CLMP: variants seen among roughly 807,000 people sequenced by gnomAD.
CLMP encodes the protein CXADR like cell adhesion molecule.
Under a neutral mutation model 45.2 loss-of-function variants are expected in CLMP, and 27 were observed. The observed-to-expected ratio is 0.60, with a 90% confidence interval of 0.44 to 0.82. The LOEUF is 0.82. Among genes scored for constraint, CLMP ranks in the 40% least tolerant of loss-of-function variants. CLMP has a pLI of 0.00. For missense variants in CLMP, 403 were observed against 448.4 expected, an observed-to-expected ratio of 0.90 and a Z score of 0.91; for synonymous variants, 167 against 171.4, an observed-to-expected ratio of 0.97 and a Z score of 0.20.
At chr11:123,137,147 C>CTT (rs375816483) in intron 1 of CLMP, among the ~76,000 whole-genome samples, 1,108 of 82,478 alleles carry the variant, frequency 0.013, 18 homozygotes, top group Non-Finnish European at 0.016. Context: ...TTTTCTTTTT[C>CTT]TTTTTTTTTT....
intron 1 of CLMP, among the ~76,000 whole-genome samples, chr11:123,116,929 G>A (rs530730563): frequency 9.9e-5 from 15 of 152,140 alleles, no homozygotes; most frequent in African/African-American, 3.6e-4. Context: ...CATGAACAAC[G>A]TTATAGTTTA....
At chr11:123,149,768 T>G (rs1861286128) in intron 1 of CLMP, among the ~76,000 whole-genome samples, 1 of 132,776 alleles carries the variant, frequency 7.5e-6, no homozygotes, top group South Asian at 2.7e-4. Flanking sequence ...CTCAAAAGGT[T>G]TTCTTTCTTT....
intron 1 of CLMP, among the ~76,000 whole-genome samples, chr11:123,129,123 C>A (rs1391245390): frequency 6.6e-6 from 1 of 151,940 alleles, no homozygotes; most frequent in African/African-American, 2.4e-5. Flanking sequence ...AGGTTGGAGA[C>A]CACGCTGGCC....
chr11:123,145,725 A>G (rs1861229831), intron 1 of CLMP, among the ~76,000 whole-genome samples: 1 of 152,058 alleles, frequency 6.6e-6, no homozygotes, highest in Non-Finnish European at 1.5e-5. Context: ...TGGACTCCCA[A>G]ACTGCTGGGA....
intron 1 of CLMP, among the ~76,000 whole-genome samples, chr11:123,144,870 C>T (rs1212339774): frequency 6.6e-6 from 1 of 152,160 alleles, no homozygotes; most frequent in Non-Finnish European, 1.5e-5. Flanking sequence ...TCAGATTTCA[C>T]TGGCTGATTG....
intron 1 of CLMP, among the ~76,000 whole-genome samples, chr11:123,168,354 C>A (rs187378382): frequency 2.0e-3 from 299 of 152,336 alleles, no homozygotes; most frequent in Admixed American, 4.8e-3. Flanking sequence ...GCAGCTGCCC[C>A]CCCTGGTTCT....
At chr11:123,127,546 A>G (rs1056670002) in intron 1 of CLMP, among the ~76,000 whole-genome samples, 1 of 152,182 alleles carries the variant, frequency 6.6e-6, no homozygotes, top group African/African-American at 2.4e-5. Flanking sequence ...TTCGGAGAGG[A>G]GAAATGATAG....
intron 1 of CLMP, among the ~76,000 whole-genome samples, chr11:123,114,433 T>TCCCTCCCC (rs1860691221): frequency 1.1e-5 from 1 of 91,406 alleles, no homozygotes; most frequent in Non-Finnish European, 2.2e-5. Flanking sequence ...TTTCCCTCCC[T>TCCCTCCCC]CCCTCCCTCC....
intron 1 of CLMP, among the ~76,000 whole-genome samples, chr11:123,112,241 A>G (rs1860649040): frequency 6.6e-6 from 1 of 152,066 alleles, no homozygotes. Context: ...TGCTCTGACT[A>G]TATGTAATGT....
chr11:123,133,662 C>T (rs750138632), intron 1 of CLMP, among the ~76,000 whole-genome samples: 1 of 151,930 alleles, frequency 6.6e-6, no homozygotes, highest in Admixed American at 6.6e-5. Flanking sequence ...TATTTTAAGC[C>T]GAAGAAATCT....
chr11:123,140,451 T>A (rs1280749931), intron 1 of CLMP, among the ~76,000 whole-genome samples: 1 of 152,088 alleles, frequency 6.6e-6, no homozygotes, highest in East Asian at 1.9e-4. Context: ...GATCAGTAAG[T>A]CAGAAGATAA....
chr11:123,150,459 G>GAAAGAAAGAA (rs1861301666), intron 1 of CLMP, among the ~76,000 whole-genome samples: 1 of 97,842 alleles, frequency 1.0e-5, no homozygotes, highest in Non-Finnish European at 2.1e-5. Flanking sequence ...AAGAAAGAAA[G>GAAAGAAAGAA]AAAGAAAGAA....
At chr11:123,153,006 T>C (rs1050234046) in intron 1 of CLMP, among the ~76,000 whole-genome samples, 12 of 152,208 alleles carry the variant, frequency 7.9e-5, no homozygotes, top group African/African-American at 2.4e-4. Flanking sequence ...GGAAGCTCAT[T>C]GAGGACGTTT....
intron 2 of CLMP, among the ~76,000 whole-genome samples, chr11:123,085,552 C>CTTCCA (rs979169569): frequency 3.4e-5 from 5 of 148,212 alleles, no homozygotes; most frequent in Non-Finnish European, 5.9e-5. Context: ...CCTGGCCTGC[C>CTTCCA]TTCCATTCTA....
chr11:123,152,114 G>C (rs1223444071), intron 1 of CLMP, among the ~76,000 whole-genome samples: 1 of 152,152 alleles, frequency 6.6e-6, no homozygotes, highest in South Asian at 2.1e-4. Flanking sequence ...GTGATGCCCT[G>C]ATGCTTTCAC....
intron 1 of CLMP, among the ~76,000 whole-genome samples, chr11:123,142,605 T>G (rs1483167113): frequency 6.7e-6 from 1 of 149,888 alleles, no homozygotes; most frequent in African/African-American, 2.5e-5. Flanking sequence ...ATGAGGTTCT[T>G]GGCTGGATGA....
At chr11:123,170,678 T>C (rs1454533693) in intron 1 of CLMP, among the ~76,000 whole-genome samples, 1 of 152,140 alleles carries the variant, frequency 6.6e-6, no homozygotes, top group Non-Finnish European at 1.5e-5. Context: ...TGAGCTCAAG[T>C]GATCCACCCC....
chr11:123,116,345 T>C (rs1860719448), intron 1 of CLMP, among the ~76,000 whole-genome samples: 1 of 151,964 alleles, frequency 6.6e-6, no homozygotes, highest in African/African-American at 2.4e-5. Flanking sequence ...GACAGGCGGA[T>C]CACCTGAGAT....
chr11:123,078,722 G>A, intron 5 of CLMP, among the ~76,000 whole-genome samples: 1 of 149,188 alleles, frequency 6.7e-6, no homozygotes, highest in Admixed American at 6.7e-5. Flanking sequence ...TCGGCTCACT[G>A]CAAGCTCCAC....
Sources: allele counts gnomAD v4.1 joint callset (sites outside exome capture counted in the v4.1 genomes callset), GRCh38; gene constraint gnomAD v4.1.1; transcripts MANE v1.5; gene names NCBI Gene and HGNC (gene_info 2026-07-23, HGNC 2026-07-21).